ROBO1: variants seen among roughly 807,000 people sequenced by gnomAD.
The protein encoded by ROBO1 is roundabout homolog 1.
Under a neutral mutation model 195.9 loss-of-function variants are expected in ROBO1, and 149 were observed. The ratio of observed to expected loss-of-function variants is 0.76; its 90% CI spans 0.67 to 0.87. The LOEUF (loss-of-function observed/expected upper bound fraction) is 0.87. ROBO1 is among the 40% of genes least tolerant of loss of function. The probability of loss-of-function intolerance (pLI) is 0.00; values close to 1 mark genes in which losing one functional copy is unlikely to be tolerated. For synonymous variants in ROBO1, 816 were observed against 733.2 expected (o/e 1.11, Z -1.82); for missense variants, 1,933 against 2,068.3 (o/e 0.93, Z 1.27).
At chr3:79,170,291 A>C (rs2081144034) in intron 2 of ROBO1, among the ~76,000 whole-genome samples, 1 of 152,194 alleles carries the variant, frequency 6.6e-6, no homozygotes, top group Admixed American at 6.5e-5. Context: ...CATTTCTGTT[A>C]ACACATGAAT....
At chr3:78,785,286 T>C (rs1185495853) in intron 4 of ROBO1, among the ~76,000 whole-genome samples, 2 of 152,220 alleles carry the variant, frequency 1.3e-5, no homozygotes, top group Non-Finnish European at 2.9e-5. Context: ...TCTTTTTCTT[T>C]AGTTTCTGTA....
intron 29 of ROBO1, among the ~76,000 whole-genome samples, chr3:78,604,094 G>T (rs1703330789): frequency 6.6e-6 from 1 of 151,796 alleles, no homozygotes; most frequent in African/African-American, 2.4e-5. Context: ...TTCCAAGACA[G>T]ATTCTTGCTC....
chr3:78,891,305 T>C (rs747861459), intron 4 of ROBO1, among the ~76,000 whole-genome samples: 7 of 152,076 alleles, frequency 4.6e-5, no homozygotes, highest in Admixed American at 4.6e-4. Flanking sequence ...AGGAAAATCT[T>C]GGACAGACAT....
intron 2 of ROBO1, among the ~76,000 whole-genome samples, chr3:79,329,273 A>G (rs2109162911): frequency 6.6e-6 from 1 of 152,286 alleles, no homozygotes; most frequent in Non-Finnish European, 1.5e-5. Flanking sequence ...TTACTAATCT[A>G]GGTCAATTGT....
intron 4 of ROBO1, among the ~76,000 whole-genome samples, chr3:78,858,842 T>A (rs1214447962): frequency 6.8e-6 from 1 of 147,190 alleles, no homozygotes; most frequent in South Asian, 2.1e-4. Context: ...TAGGTGAGTA[T>A]CCAAAACACT....
intron 3 of ROBO1, among the ~76,000 whole-genome samples, chr3:78,987,090 C>T (rs184679372): frequency 6.3e-4 from 92 of 144,934 alleles, no homozygotes; most frequent in Non-Finnish European, 2.2e-4. Context: ...CAAAACATGA[C>T]GAAGTACTCT....
chr3:79,499,124 AC>A (rs1180307826), intron 2 of ROBO1, among the ~76,000 whole-genome samples: 4 of 152,126 alleles, frequency 2.6e-5, no homozygotes, highest in South Asian at 2.1e-4. Flanking sequence ...CCTCCTGAGT[AC>A]CTGAGATTAC....
At chr3:79,040,942 C>T (rs1190471592) in intron 3 of ROBO1, among the ~76,000 whole-genome samples, 1 of 152,170 alleles carries the variant, frequency 6.6e-6, no homozygotes, top group Non-Finnish European at 1.5e-5. Flanking sequence ...CACAGCCTGA[C>T]TCACTCCTTT....
chr3:79,072,860 T>A (rs1393180389), intron 3 of ROBO1, among the ~76,000 whole-genome samples: 1 of 151,926 alleles, frequency 6.6e-6, no homozygotes, highest in East Asian at 1.9e-4. Flanking sequence ...ACACATACAT[T>A]TAAGTCAACA....
rs1425316384 is a variant in ROBO1, at chr3:79,138,847, T to A, written c.89-13308A>T. ...ATATAGATATAGACATAAATATAAG[T>A]ATAGATATATTCTGATTTGAATGAA... On this transcript the variant is annotated intron_variant, in intron 2 of 30. Transcript: ENST00000464233. Among the ~76,000 whole-genome samples, 3 of 151,868 alleles carry A rather than the reference T, an allele frequency of 2.0e-5. No homozygotes were observed. In the East Asian group the frequency reaches 5.8e-4, roughly 29 times the overall value.
At chr3:79,012,000 A>G (rs1460291937) in intron 3 of ROBO1, among the ~76,000 whole-genome samples, 2 of 152,128 alleles carry the variant, frequency 1.3e-5, no homozygotes, top group Non-Finnish European at 2.9e-5. Flanking sequence ...GACTGTGGAC[A>G]AGCTGTCCCC....
chr3:79,545,744 T>C (rs993827095), intron 2 of ROBO1, among the ~76,000 whole-genome samples: 2 of 152,348 alleles, frequency 1.3e-5, no homozygotes, highest in African/African-American at 2.4e-5. Flanking sequence ...CTGATGCTGA[T>C]ATTAAAATGT....
At chr3:79,323,327 A>C (rs1452765123) in intron 2 of ROBO1, among the ~76,000 whole-genome samples, 1 of 151,962 alleles carries the variant, frequency 6.6e-6, no homozygotes, top group East Asian at 1.9e-4. Context: ...TGATCCACCC[A>C]CCTCAGCCTC....
chr3:79,014,864 A>G (rs750277618), intron 3 of ROBO1, among the ~76,000 whole-genome samples: 3 of 152,246 alleles, frequency 2.0e-5, no homozygotes, highest in Non-Finnish European at 4.4e-5. Flanking sequence ...AACACAGATG[A>G]TAATAAATAA....
At chr3:79,219,585 C>A (rs2082104400) in intron 2 of ROBO1, among the ~76,000 whole-genome samples, 1 of 151,946 alleles carries the variant, frequency 6.6e-6, no homozygotes, top group Non-Finnish European at 1.5e-5. Flanking sequence ...ATTCTCAGCA[C>A]AATTATCTGC....
chr3:78,948,729 T>C (rs921875115), intron 3 of ROBO1, among the ~76,000 whole-genome samples: 1 of 152,178 alleles, frequency 6.6e-6, no homozygotes, highest in Non-Finnish European at 1.5e-5. Flanking sequence ...AAACTGTCCC[T>C]CTTTGCAGAT....
intron 4 of ROBO1, among the ~76,000 whole-genome samples, chr3:78,916,854 A>G (rs969561969): frequency 1.3e-5 from 2 of 152,176 alleles, no homozygotes; most frequent in Admixed American, 1.3e-4. Context: ...AAACAAAAGA[A>G]GCCCATATGG....
chr3:78,963,090 G>GATATATATATATAT (rs71127370), intron 3 of ROBO1, among the ~76,000 whole-genome samples: 42 of 145,664 alleles, frequency 2.9e-4, no homozygotes, highest in Non-Finnish European at 5.6e-4. Flanking sequence ...TCTCATACTT[G>GATATATATATATAT]ATATATATAT....
chr3:78,774,619 AT>A (rs1269489281), intron 4 of ROBO1, among the ~76,000 whole-genome samples: 53 of 56,954 alleles, frequency 9.3e-4, no homozygotes, highest in Non-Finnish European at 1.5e-3. Flanking sequence ...AAAAAAAAAA[AT>A]CTACCACTTG....
Sources: gnomAD v4.1 joint callset for allele counts (sites outside exome capture counted in the v4.1 genomes callset) on GRCh38, gnomAD v4.1.1 for gene constraint, MANE v1.5 for transcripts, NCBI Gene and HGNC (gene_info 2026-07-23, HGNC 2026-07-21) for gene names.